AHRR: variants seen among roughly 807,000 people sequenced by gnomAD.
AHRR encodes the protein aryl hydrocarbon receptor repressor, also known as ahR repressor.
Under a neutral mutation model 44.0 loss-of-function variants are expected in AHRR, and 28 were observed. The observed-to-expected ratio is 0.64, with a 90% CI of 0.47 to 0.87. AHRR has a LOEUF of 0.87. AHRR is among the 40% of genes least tolerant of loss of function. The pLI is 0.00. For missense variants in AHRR, 990 were observed against 953.9 expected, an observed-to-expected ratio of 1.04 and a Z score of -0.50; for synonymous variants, 434 against 407.0, an observed-to-expected ratio of 1.07 and a Z score of -0.80.
chr5:423,151 C>T (rs1276368128), intron 6 of AHRR, among the ~76,000 whole-genome samples: 1 of 152,212 alleles, frequency 6.6e-6, no homozygotes, highest in African/African-American at 2.4e-5. Flanking sequence ...AGCTGCAGTC[C>T]TGGCCTCTTG....
chr5:395,926 G>T lies in AHRR; in HGVS notation c.352-17418G>T, dbSNP rs1443423340. ...CAGTGATGTTGCCTGGCTCTAAGGG[G>T]CTCCTGGTACGAGGATTAGGAGGCC... is the stretch of plus-strand genomic sequence containing the variant. On this transcript the variant is annotated intron_variant, in intron 4 of 10. Coordinates refer to ENST00000684583, the MANE Select transcript of AHRR (RefSeq NM_001377236.1). This position sits in a 1 kb window ranked among gnomAD's most constrained non-coding sequence, Gnocchi z 5.3. Among the ~76,000 whole-genome samples, 1 of 152,182 alleles carries T rather than the reference G, an allele frequency of 6.6e-6. No individual in the cohort carries two copies. The highest frequency in any genetic ancestry group is 2.4e-5 in the African/African-American group (1 of 41,444).
At chr5:375,946 G>A (rs1388547846) in intron 3 of AHRR, among the ~76,000 whole-genome samples, 1 of 145,880 alleles carries the variant, frequency 6.9e-6, no homozygotes, top group African/African-American at 2.7e-5. Context: ...TGTCCTTGGG[G>A]GCTGTGCGCA....
chr5:421,226 C>T, intron 5 of AHRR: 1 of 685,550 alleles, frequency 1.5e-6, no homozygotes, highest in Non-Finnish European at 2.6e-6. Context: ...TCCTCGTCGG[C>T]AACGCCCACC....
rs532349858 is a variant in AHRR, at chr5:326,690, A to G, written c.-11+4871A>G. Among the ~76,000 whole-genome samples the G allele has an allele frequency of 1.7e-4, 26 of 152,118 alleles. No homozygotes were observed. Among genetic ancestry groups the G allele is most frequent in the African/African-American group, 5.8e-4 (24 of 41,492 alleles). On this transcript the variant is annotated intron_variant, in intron 1 of 10. Coordinates refer to ENST00000684583, the MANE Select transcript of AHRR (RefSeq NM_001377236.1). This position sits in a 1 kb window ranked among gnomAD's most constrained non-coding sequence, Gnocchi z 4.1. ...TTCCACAGCAGGTGCACCATTTTAC[A>G]TTTTCACCAGCAATGCACCAGAAAC...
rs1445277556 is a variant in AHRR, at chr5:380,228, C to T, written c.351+3512C>T. Among the ~76,000 whole-genome samples the T allele has an allele frequency of 2.0e-5, 3 of 152,218 alleles. No individual in the cohort carries two copies. The East Asian group carries it at 5.8e-4, about 29-fold the overall frequency. On this transcript the variant is annotated intron_variant, in intron 4 of 10. Transcript: ENST00000684583. ...TAACAATACCACATTATCTTACCTACTATAGCTTTAAAATAAGACTTGATA... is the reference window on the plus strand; with the variant it reads ...TAACAATACCACATTATCTTACCTATTATAGCTTTAAAATAAGACTTGATA...
At chr5:382,074 T>G (rs1315434416) in intron 4 of AHRR, among the ~76,000 whole-genome samples, 2 of 152,254 alleles carry the variant, frequency 1.3e-5, no homozygotes, top group Non-Finnish European at 2.9e-5. Context: ...GCTAATACTC[T>G]GTGGGGACTT....
intron 3 of AHRR, among the ~76,000 whole-genome samples, chr5:373,184 C>T (rs939534735): frequency 3.3e-5 from 5 of 152,250 alleles, no homozygotes; most frequent in Non-Finnish European, 4.4e-5. Flanking sequence ...GCTACAGATC[C>T]GGGTTCAGGC....
At chr5:393,074 C>T (rs1262684998) in intron 4 of AHRR, among the ~76,000 whole-genome samples, 1 of 152,162 alleles carries the variant, frequency 6.6e-6, no homozygotes, top group Non-Finnish European at 1.5e-5. Flanking sequence ...TCCCCTAACC[C>T]TCTGTTAGAT....
intron 1 of AHRR, among the ~76,000 whole-genome samples, chr5:340,851 C>T (rs1742324471): frequency 6.8e-6 from 1 of 148,118 alleles, no homozygotes; most frequent in Admixed American, 6.7e-5. Context: ...CATGCGCCAC[C>T]ATGCCTGGCT....
At chr5:341,619 T>C (rs930845501) in intron 1 of AHRR, among the ~76,000 whole-genome samples, 1 of 150,640 alleles carries the variant, frequency 6.6e-6, no homozygotes, top group Non-Finnish European at 1.5e-5. Flanking sequence ...TCTTCCAGGC[T>C]CAAGCAATTC....
chr5:339,775 A>G (rs923916303), intron 1 of AHRR, among the ~76,000 whole-genome samples: 1 of 152,180 alleles, frequency 6.6e-6, no homozygotes, highest in Non-Finnish European at 1.5e-5. Flanking sequence ...GATTTTGTCA[A>G]ATGCTTTTCT....
chr5:434,649 C>A lies in AHRR; in HGVS notation c.1909C>A (p.Arg637=). 1 of 1,563,782 alleles carries A rather than the reference C, an allele frequency of 6.4e-7. No individual in the cohort carries two copies. Among genetic ancestry groups the A allele is most frequent in the Middle Eastern group, 1.7e-4 (1 of 5,884 alleles). The change falls in exon 11 of 11, where the codon CGG becomes AGG. Residue 637 remains arginine (R), a synonymous_variant. Coordinates refer to ENST00000684583, the MANE Select transcript of AHRR (RefSeq NM_001377236.1). ...GGAGCCTCCCCACCAGCTCTGTGCA[C>A]GGGGCCGAGGTGAACAGTCCTGCAC... ...QSEPPHQLCA[R]GRGEQSCTCR... is the part of the protein sequence containing the mutation.
At chr5:352,087 T>C (rs1742875887) in intron 2 of AHRR, among the ~76,000 whole-genome samples, 1 of 152,264 alleles carries the variant, frequency 6.6e-6, no homozygotes, top group Non-Finnish European at 1.5e-5. Context: ...GCATTCCCAG[T>C]GGACTCCATA....
Position 397,353 on chromosome 5 carries a change from T to C in AHRR, c.352-15991T>C, listed in dbSNP as rs375678614. 9.0e-3 allele frequency among the ~76,000 whole-genome samples: 893 copies of C among 98,894 alleles called. 4 individuals are homozygous for C. Among genetic ancestry groups the C allele is most frequent in the Non-Finnish European group, 0.014 (608 of 43,370 alleles). The allele number at this position is 98,894 out of a possible 152,430, so 64.9% of individuals were successfully genotyped here. ...CATCCATGTAGCCCCTGACCATCCA[T>C]GTTAGCCCCTGACCATCCACGTAGC... On this transcript the variant is annotated intron_variant, in intron 4 of 10. Coordinates refer to ENST00000684583, the MANE Select transcript of AHRR (RefSeq NM_001377236.1).
chr5:341,532 C>CTTT (rs35385059), intron 1 of AHRR, among the ~76,000 whole-genome samples: 1 of 103,746 alleles, frequency 9.6e-6, no homozygotes, highest in Non-Finnish European at 1.9e-5. Flanking sequence ...CCTTTTCCTT[C>CTTT]TTTTTTTTTT....
intron 5 of AHRR, among the ~76,000 whole-genome samples, chr5:421,579 A>G (rs924311402): frequency 3.3e-5 from 5 of 152,238 alleles, no homozygotes; most frequent in African/African-American, 1.2e-4. Context: ...GGAAGGCACC[A>G]TGGCAGAGCC....
chr5:376,244 G>A (rs559435768), intron 3 of AHRR, among the ~76,000 whole-genome samples: 2 of 152,172 alleles, frequency 1.3e-5, no homozygotes, highest in South Asian at 2.1e-4. Context: ...GATCTGGCAG[G>A]AAGCCAGACT....
intron 1 of AHRR, among the ~76,000 whole-genome samples, chr5:340,272 C>T (rs1374832250): frequency 3.3e-5 from 5 of 151,960 alleles, no homozygotes; most frequent in Admixed American, 6.6e-5. Context: ...TCATCTAAAT[C>T]GTTGAATTTT....
In AHRR at chr5:406,810, T is replaced by C. The variant is rs1179412103; in HGVS notation, c.352-6534T>C. On this transcript the variant is annotated intron_variant, in intron 4 of 10. Transcript: ENST00000684583. This position sits in a 1 kb window ranked among gnomAD's most constrained non-coding sequence, Gnocchi z 4.7. ...CCAGGAGTAAGGTGAGACCCCGACA[T>C]TGGGAAATACTCATAAAGTTAACTT... Among the ~76,000 whole-genome samples the C allele has an allele frequency of 6.6e-6, 1 of 152,168 alleles. No individual in the cohort carries two copies. Among genetic ancestry groups the C allele is most frequent in the Non-Finnish European group, 1.5e-5 (1 of 68,032 alleles).
Sources: allele counts gnomAD v4.1 joint callset (sites outside exome capture counted in the v4.1 genomes callset), GRCh38; gene constraint gnomAD v4.1.1; non-coding constraint Gnocchi (gnomAD v3.1); transcripts MANE v1.5; gene names NCBI Gene and HGNC (gene_info 2026-07-23, HGNC 2026-07-21).